Variants in TEX11 observed in about 807,000 individuals in gnomAD.
The protein encoded by TEX11 is testis expressed 11, also known as testis-expressed protein 11.
In TEX11, 7 loss-of-function variants were observed where a neutral mutation model predicts 84.4. The ratio of observed to expected loss-of-function variants is 0.08; its 90% CI spans 0.05 to 0.16. The LOEUF (loss-of-function observed/expected upper bound fraction) is 0.16. TEX11 is among the 10% of genes least tolerant of loss of function. The pLI, the probability that TEX11 is intolerant of heterozygous loss-of-function variation, is 1.00. For synonymous variants in TEX11, 264 were observed against 222.8 expected, an observed-to-expected ratio of 1.18 and a Z score of -1.64; for missense variants, 551 against 660.5, an observed-to-expected ratio of 0.83 and a Z score of 1.82.
chrX:70,896,132 G>A (rs2091765236), intron 2 of TEX11, among the ~76,000 whole-genome samples: 1 of 111,802 alleles, frequency 8.9e-6, no homozygotes, highest in African/African-American at 3.3e-5. Flanking sequence ...ATCCGACAAA[G>A]GTCTAATATC....
At chrX:70,762,425 C>T (rs1003748415) in intron 9 of TEX11, among the ~76,000 whole-genome samples, 11 of 111,322 alleles carry the variant, frequency 9.9e-5, no homozygotes, top group Admixed American at 1.9e-4. Context: ...GTCGAAGCTC[C>T]TAAAGCAGGA....
chrX:70,645,334 T>C (rs755480075), intron 17 of TEX11, among the ~76,000 whole-genome samples: 1 of 109,441 alleles, frequency 9.1e-6, no homozygotes, highest in African/African-American at 3.3e-5. Flanking sequence ...AATGGACAAA[T>C]AACACCATAC....
At chrX:70,901,194 A>G (rs1339466623) in intron 2 of TEX11, among the ~76,000 whole-genome samples, 1 of 111,782 alleles carries the variant, frequency 8.9e-6, no homozygotes, top group African/African-American at 3.2e-5. Context: ...TGTCTAAATA[A>G]ATAAATAAAT....
chrX:70,795,631 A>G (rs756347009), intron 9 of TEX11, among the ~76,000 whole-genome samples: 4 of 111,284 alleles, frequency 3.6e-5, no homozygotes, highest in Non-Finnish European at 7.5e-5. Context: ...AGACAGTTCA[A>G]TACAGAAAAA....
chrX:70,723,435 T>A, intron 12 of TEX11, among the ~76,000 whole-genome samples: 1 of 111,890 alleles, frequency 8.9e-6, no homozygotes, highest in Middle Eastern at 4.6e-3. Context: ...GATTAGTAAG[T>A]GAAAAATTAG....
the TEX11 span, among the ~76,000 whole-genome samples, chrX:70,519,373 G>T: frequency 1.8e-5 from 2 of 111,750 alleles, no homozygotes; most frequent in East Asian, 5.6e-4. Flanking sequence ...CACTTATGAA[G>T]CTTAGTTTGG....
chrX:70,588,067 T>C (rs1243612423), intron 25 of TEX11, among the ~76,000 whole-genome samples: 3 of 112,535 alleles, frequency 2.7e-5, no homozygotes, highest in Non-Finnish European at 5.6e-5. Context: ...CCCCATTTTA[T>C]CTAGGAAGTA....
At chrX:70,832,396 G>C (rs902508465) in intron 8 of TEX11, among the ~76,000 whole-genome samples, 1 of 111,894 alleles carries the variant, frequency 8.9e-6, no homozygotes, top group African/African-American at 3.2e-5. Flanking sequence ...TCCAAGCAAA[G>C]GATATACAGG....
At chrX:70,691,938 T>C (rs1167292935) in intron 13 of TEX11, among the ~76,000 whole-genome samples, 4 of 111,100 alleles carry the variant, frequency 3.6e-5, no homozygotes, top group Non-Finnish European at 5.7e-5. Context: ...TAATTGTCAA[T>C]TATATCTCAA....
intron 13 of TEX11, among the ~76,000 whole-genome samples, chrX:70,720,325 C>A (rs746653057): frequency 8.3e-4 from 92 of 110,398 alleles, no homozygotes; most frequent in Admixed American, 3.0e-3. Flanking sequence ...ACAATGAGAA[C>A]ACTTGGACAC....
chrX:70,535,603 C>A (rs1476106380), intron 28 of TEX11, among the ~76,000 whole-genome samples: 4 of 110,599 alleles, frequency 3.6e-5, no homozygotes. Flanking sequence ...AAAAAATTAG[C>A]TGGGTGTAGT....
chrX:70,715,226 T>TG (rs1169800273), intron 13 of TEX11, among the ~76,000 whole-genome samples: 1 of 108,631 alleles, frequency 9.2e-6, no homozygotes, highest in Non-Finnish European at 1.9e-5. Flanking sequence ...TCACTTAACA[T>TG]TTTTTCCTTC....
At chrX:70,751,953 C>G (rs1432782379) in intron 9 of TEX11, among the ~76,000 whole-genome samples, 1 of 112,041 alleles carries the variant, frequency 8.9e-6, no homozygotes, top group Non-Finnish European at 1.9e-5. Flanking sequence ...TAAAAAAATT[C>G]TTAAGGTGTA....
rs141836346 is a variant in TEX11, at chrX:70,881,380, T to G, written c.38-1271A>C. On this transcript the variant is annotated intron_variant, in intron 2 of 29. Coordinates refer to ENST00000374333, the MANE Select transcript of TEX11 (RefSeq NM_031276.3). ...AATAAGCATGATGTAGAATCACAAT[T>G]GATGCCCTTCATATTATCAAAATTG... Among the ~76,000 whole-genome samples, 251 of 110,566 alleles carry G rather than the reference T, an allele frequency of 2.3e-3. 1 individual carries two copies. The highest frequency in any genetic ancestry group is 8.1e-3 in the African/African-American group (246 of 30,420).
chrX:70,529,058 G>A lies in TEX11; in HGVS notation c.*37C>T, dbSNP rs1311582748. ...CAAAAATTTAAACAGTCAGCATCTC[G>A]GGACAATGTATCTTCTTCATGTGGC... On this transcript the variant is annotated 3_prime_UTR_variant, in exon 30 of 30. Coordinates refer to ENST00000374333, the MANE Select transcript of TEX11 (RefSeq NM_031276.3). 10 of 1,102,304 alleles carry A rather than the reference G, an allele frequency of 9.1e-6. No individual in the cohort carries two copies. The highest frequency in any genetic ancestry group is 6.0e-5 in the East Asian group (2 of 33,237). The allele number at this position is 1,102,304 out of a possible 1,213,427, so 90.8% of individuals were successfully genotyped here.
intron 7 of TEX11, among the ~76,000 whole-genome samples, chrX:70,838,912 T>A (rs1363342219): frequency 8.9e-6 from 1 of 112,285 alleles, no homozygotes; most frequent in Non-Finnish European, 1.9e-5. Flanking sequence ...GAGATCAAAC[T>A]GCAAGGTGGC....
chrX:70,847,880 CCAA>C (rs2091487857), intron 7 of TEX11, among the ~76,000 whole-genome samples: 1 of 112,041 alleles, frequency 8.9e-6, no homozygotes, highest in East Asian at 2.8e-4. Flanking sequence ...CTCCCACCTC[CCAA>C]CAACATGTAA....
At chrX:70,882,039 A>AAAAAAG (rs1363414488) in intron 2 of TEX11, among the ~76,000 whole-genome samples, 7 of 106,630 alleles carry the variant, frequency 6.6e-5, no homozygotes, top group African/African-American at 2.4e-4. Context: ...AAAAAAAAAA[A>AAAAAAG]AAAAAGAAAA....
At chrX:70,635,702 G>A (rs1361127763) in intron 17 of TEX11, among the ~76,000 whole-genome samples, 2 of 111,099 alleles carry the variant, frequency 1.8e-5, no homozygotes, top group African/African-American at 6.5e-5. Context: ...CATCAGGTCA[G>A]CACCCATGGA....
Sources: gnomAD v4.1 joint callset for allele counts (sites outside exome capture counted in the v4.1 genomes callset) on GRCh38, gnomAD v4.1.1 for gene constraint, MANE v1.5 for transcripts, NCBI Gene and HGNC (gene_info 2026-07-23, HGNC 2026-07-21) for gene names.